Variants in ADCK2 observed in about 807,000 individuals in gnomAD.
ADCK2 encodes the protein aarF domain containing kinase 2.
ADCK2 carries 37 observed loss-of-function variants against 52.3 expected under a neutral mutation model. The observed-to-expected ratio is 0.71, with a 90% CI of 0.54 to 0.93. The LOEUF is 0.93. ADCK2 is among the 40% of genes least tolerant of loss of function. The pLI, the probability that ADCK2 is intolerant of heterozygous loss-of-function variation, is 0.00. For missense variants in ADCK2, 695 were observed against 798.7 expected, an observed-to-expected ratio of 0.87 and a Z score of 1.56; for synonymous variants, 321 against 349.2, an observed-to-expected ratio of 0.92 and a Z score of 0.90.
Position 140,673,188 on chromosome 7 carries a change from TG to T in ADCK2, c.-141del. On this transcript the variant is annotated 5_prime_UTR_variant, in exon 1 of 8. Transcript: ENST00000072869. The surrounding 1 kb of genome is among the most constrained non-coding windows in gnomAD (Gnocchi z 6.4). The stretch of plus-strand genomic sequence containing the variant: ...TCCGGCCTGAGGCCCGGCGAGGTGC[TG>T]GAGGGAGCGGGGCGCGGATCCGGCC... The T allele has an allele frequency of 1.7e-6, 1 of 592,646 alleles. No individual in the cohort carries two copies. Among genetic ancestry groups the T allele is most frequent in the Non-Finnish European group, 2.5e-6 (1 of 395,068 alleles). 36.7% of individuals were successfully genotyped at this position (592,646 alleles called of 1,614,324 possible).
Position 140,674,324 on chromosome 7 carries a change from C to A in ADCK2, c.933+61C>A. ...CTGAGCTATCCCAGATCAGAAACAA[C>A]CGCCATGCAAATCGCCCCCACGTTT... is the stretch of plus-strand genomic sequence containing the variant. On this transcript the variant is annotated intron_variant, in intron 1 of 7. Transcript: ENST00000072869. The surrounding 1 kb of genome is among the most constrained non-coding windows in gnomAD (Gnocchi z 4.6). The A allele has an allele frequency of 6.7e-7, 1 of 1,492,484 alleles. No individual in the cohort carries two copies. Among genetic ancestry groups the A allele is most frequent in the South Asian group, 1.3e-5 (1 of 77,244 alleles). The allele number at this position is 1,492,484 out of a possible 1,614,324, so 92.5% of individuals were successfully genotyped here.
Position 140,674,465 on chromosome 7 carries a change from G to A in ADCK2, c.934-146G>A, listed in dbSNP as rs188350499. The A allele has an allele frequency of 3.5e-6, 4 of 1,151,712 alleles. No homozygotes were observed. Among genetic ancestry groups the A allele is most frequent in the African/African-American group, 1.6e-5 (1 of 64,030 alleles). 71.3% of individuals were successfully genotyped at this position (1,151,712 alleles called of 1,614,324 possible). ...GAGGAAAATGAACTGAGTCTGGAGT[G>A]AACTAACTGCTTGGGTGTCGGGACC... is the stretch of plus-strand genomic sequence containing the variant. On this transcript the variant is annotated intron_variant, in intron 1 of 7. Coordinates refer to ENST00000072869, the MANE Select transcript of ADCK2 (RefSeq NM_052853.4). The surrounding 1 kb of genome is among the most constrained non-coding windows in gnomAD (Gnocchi z 4.6).
rs367958302 is a variant in ADCK2, at chr7:140,687,907, T to C, written c.1557+666T>C. On this transcript the variant is annotated intron_variant, in intron 5 of 7. Coordinates refer to ENST00000072869, the MANE Select transcript of ADCK2 (RefSeq NM_052853.4). ...TTTTTTTTTTTAAAGTTTCAAAAAA[T>C]TAATGGAGATGGGTTTTGCTATATT... is the stretch of plus-strand genomic sequence containing the variant. 4.0e-5 allele frequency among the ~76,000 whole-genome samples: 6 copies of C among 150,552 alleles called. No homozygotes were observed. In the East Asian group the frequency reaches 7.8e-4, roughly 20 times the overall value.
At position 140,686,990 on chromosome 7, in the gene ADCK2, A is replaced by T. The variant is rs749441775; in HGVS notation, c.1306A>T (p.Ile436Leu). 2 of 1,611,626 alleles carry T rather than the reference A, an allele frequency of 1.2e-6. No homozygotes were observed. The highest frequency in any genetic ancestry group is 3.3e-5 in the Admixed American group (2 of 59,970). Residue 436 changes from isoleucine to leucine, a missense_variant and splice_region_variant, in exon 5 of 8, where the codon ATA (isoleucine) becomes TTA (leucine). Physicochemically the swap from Ile to Leu is conservative, Grantham distance 5 (BLOSUM62 2). Transcript: ENST00000072869. ...CATGAGCATTGTGATCTCCTTCCAG[A>T]TATTTGTGGATAACTTTGTCCATGC... ...RLGINMLLKM[I>L]FVDNFVHADL...
chr7:140,681,825 T>C (rs1334898663), intron 4 of ADCK2, among the ~76,000 whole-genome samples: 1 of 151,682 alleles, frequency 6.6e-6, no homozygotes, highest in South Asian at 2.1e-4. Context: ...CTTACTATGT[T>C]GTCCAGGGCA....
At position 140,674,462 on chromosome 7, in the gene ADCK2, A is replaced by G; in HGVS notation, c.934-149A>G. On this transcript the variant is annotated intron_variant, in intron 1 of 7. Coordinates refer to ENST00000072869, the MANE Select transcript of ADCK2 (RefSeq NM_052853.4). This position sits in a 1 kb window ranked among gnomAD's most constrained non-coding sequence, Gnocchi z 4.6. The stretch of plus-strand genomic sequence containing the variant: ...ATAGAGGAAAATGAACTGAGTCTGG[A>G]GTGAACTAACTGCTTGGGTGTCGGG... 8.8e-7 allele frequency: 1 copy of G among 1,140,424 alleles called. No homozygotes were observed. The highest frequency in any genetic ancestry group is 1.6e-5 in the South Asian group (1 of 61,042). 70.6% of individuals were successfully genotyped at this position (1,140,424 alleles called of 1,614,324 possible).
chr7:140,673,794 G>T lies in ADCK2; in HGVS notation c.464G>T (p.Arg155Leu), dbSNP rs757945662. 3 of 1,613,242 alleles carry T rather than the reference G, an allele frequency of 1.9e-6. No homozygotes were observed. The South Asian group carries it at 3.3e-5, about 18-fold the overall frequency. ...AAACTGGGCCAGTGGGCCAGCACCC[G>T]GCGCGATCTGTTTTCGGAGGCTTTC... ...YIKLGQWAST[R>L]RDLFSEAFCA... Residue 155 changes from arginine (R) to leucine (L), a missense_variant, in exon 1 of 8, where the codon CGG becomes CTG. By Grantham distance (102) the Arg-to-Leu change is moderately radical. Coordinates refer to ENST00000072869, the MANE Select transcript of ADCK2 (RefSeq NM_052853.4). This position sits in a 1 kb window ranked among gnomAD's most constrained non-coding sequence, Gnocchi z 6.4.
Position 140,673,506 on chromosome 7 carries a change from AG to A in ADCK2, c.181del (p.Ala61ProfsTer5), listed in dbSNP as rs1801669478. On this transcript the variant is annotated frameshift_variant, in exon 1 of 8. Transcript: ENST00000072869. LOFTEE classifies it high-confidence loss of function. The surrounding 1 kb of genome is among the most constrained non-coding windows in gnomAD (Gnocchi z 6.4). ...KVVSLCGDVG[E>X]GAPDVLSRRR... ...GTCTCCCTGTGCGGGGACGTGGGTG[AG>A]GGGGCCCCTGACGTTCTGAGTCGGC... 1 of 1,601,838 alleles carries A rather than the reference AG, an allele frequency of 6.2e-7. No homozygotes were observed.
At chr7:140,689,099 CT>C (rs944225745) in intron 5 of ADCK2, among the ~76,000 whole-genome samples, 7 of 151,894 alleles carry the variant, frequency 4.6e-5, no homozygotes, top group African/African-American at 1.5e-4. Flanking sequence ...TCCCAGGTAG[CT>C]GGGATTACAG....
At chr7:140,676,890 G>T (rs2130780545) in intron 2 of ADCK2, among the ~76,000 whole-genome samples, 1 of 152,220 alleles carries the variant, frequency 6.6e-6, no homozygotes. Flanking sequence ...AGGCGTGGTG[G>T]TGCTCACCTG....
In ADCK2 at chr7:140,687,366, G is replaced by A. The variant is rs1794623709; in HGVS notation, c.1557+125G>A. ...AGCCTGAGCGGGGAGGATTGCTTGA[G>A]CCCAGGAGTTCAAGGCCAGCCTGAG... On this transcript the variant is annotated intron_variant, in intron 5 of 7. Coordinates refer to ENST00000072869, the MANE Select transcript of ADCK2 (RefSeq NM_052853.4). 1.5e-5 allele frequency: 20 copies of A among 1,332,404 alleles called. No homozygotes were observed. The South Asian group carries it at 2.8e-4, about 18-fold the overall frequency. 82.5% of individuals were successfully genotyped at this position (1,332,404 alleles called of 1,614,324 possible). A position where few individuals can be genotyped will look rare whatever the true frequency, so the allele number is the denominator to read the frequency against.
chr7:140,679,060 G>A (rs1794470977), intron 2 of ADCK2, 95 bp from the exon 3 acceptor site: 1 of 1,481,738 alleles, frequency 6.7e-7, no homozygotes, highest in East Asian at 2.3e-5. Flanking sequence ...GGGAAGGTGG[G>A]GTGGATCTCA....
chr7:140,694,487 G>A (rs1047876472), intron 7 of ADCK2, among the ~76,000 whole-genome samples, 176 bp from the exon 8 acceptor site: 11 of 152,158 alleles, frequency 7.2e-5, no homozygotes, highest in African/African-American at 2.2e-4. Context: ...GAGGCTGGGC[G>A]AGTAGGTGAG....
intron 5 of ADCK2, among the ~76,000 whole-genome samples, chr7:140,689,158 G>C (rs1794660077): frequency 6.6e-6 from 1 of 151,920 alleles, no homozygotes. Context: ...AGTAGAGATG[G>C]GGTTTCATCA....
At chr7:140,687,270 G>A in intron 5 of ADCK2, 29 bp downstream of exon 5, 1 of 1,521,538 alleles carries the variant, frequency 6.6e-7, no homozygotes, top group Non-Finnish European at 8.9e-7. Context: ...ACAGAAGTTG[G>A]GGTGAATTTT....
chr7:140,690,876 G>A, intron 7 of ADCK2, 63 bp downstream of exon 7: 1 of 1,470,720 alleles, frequency 6.8e-7, no homozygotes, highest in East Asian at 2.3e-5. Context: ...GGAATGGGAG[G>A]ACACAGGGTG....
chr7:140,690,762 T>G lies in ADCK2; in HGVS notation c.1689T>G (p.Leu563=). The part of the protein sequence containing the change: ...ARKNTITLEK[L]HVSSLLSSVF... ...TAGCCTTTATTTTGTTTTTCCAGCTTCATGTGTCCAGCCTTCTCTCTAGTG... is the reference window on the plus strand; with the variant it reads ...TAGCCTTTATTTTGTTTTTCCAGCTGCATGTGTCCAGCCTTCTCTCTAGTG... The change falls in exon 7 of 8, where the codon CTT becomes CTG. Residue 563 remains leucine (L), a splice_region_variant and synonymous_variant. Coordinates refer to ENST00000072869, the MANE Select transcript of ADCK2 (RefSeq NM_052853.4). The G allele has an allele frequency of 6.2e-7, 1 of 1,613,572 alleles. No individual in the cohort carries two copies. The highest frequency in any genetic ancestry group is 8.5e-7 in the Non-Finnish European group (1 of 1,179,858).
At chr7:140,683,163 TG>T (rs1480438298) in intron 4 of ADCK2, among the ~76,000 whole-genome samples, 1 of 151,596 alleles carries the variant, frequency 6.6e-6, no homozygotes, top group Non-Finnish European at 1.5e-5. Flanking sequence ...TAGCCAGACG[TG>T]GTGGTGCATG....
In ADCK2 at chr7:140,674,631, C is replaced by T. The variant is rs140280145; in HGVS notation, c.954C>T (p.Leu318=). Residue 318 remains leucine (L), a synonymous_variant, in exon 2 of 8, where the codon CTC becomes CTT. Transcript: ENST00000072869. This position sits in a 1 kb window ranked among gnomAD's most constrained non-coding sequence, Gnocchi z 4.6. ...VAVKVLHPGL[L]AQVHMDLLLM... ...GACAGGTGTTGCACCCTGGCCTGCT[C>T]GCTCAGGTGCATATGGACCTGCTGC... 2.7e-5 allele frequency: 44 copies of T among 1,613,774 alleles called. No homozygotes were observed. Among genetic ancestry groups the T allele is most frequent in the Non-Finnish European group, 3.6e-5 (42 of 1,179,892 alleles).
Sources: allele counts gnomAD v4.1 joint callset (sites outside exome capture counted in the v4.1 genomes callset), GRCh38; gene constraint gnomAD v4.1.1; non-coding constraint Gnocchi (gnomAD v3.1); transcripts MANE v1.5; gene names NCBI Gene and HGNC (gene_info 2026-07-23, HGNC 2026-07-21).